The following MYO9B variants were observed in gnomAD, a reference collection of about 807,000 sequenced individuals.
The protein encoded by MYO9B is myosin IXB.
In MYO9B, 71 loss-of-function variants were observed where a neutral mutation model predicts 229.5. The ratio of observed to expected loss-of-function variants is 0.31; its 90% CI spans 0.26 to 0.38. The LOEUF (loss-of-function observed/expected upper bound fraction) is 0.38, where lower values mean the gene tolerates loss of function less well. MYO9B is among the 10% of genes least tolerant of loss of function. The pLI, the probability that MYO9B is intolerant of heterozygous loss-of-function variation, is 1.00. For synonymous variants in MYO9B, 1,185 were observed against 1,235.8 expected (o/e 0.96, Z 0.86); for missense variants, 2,255 against 2,920.5 (o/e 0.77, Z 5.25).
intron 9 of MYO9B, 134 bp downstream of exon 9, chr19:17,162,600 A>G: frequency 2.6e-6 from 2 of 770,710 alleles, no homozygotes; most frequent in Non-Finnish European, 4.2e-6. Flanking sequence ...CCACAAGGAC[A>G]GGCCCAGGAA....
At chr19:17,100,728 G>A (rs530794764) in intron 1 of MYO9B, among the ~76,000 whole-genome samples, 2 of 152,236 alleles carry the variant, frequency 1.3e-5, no homozygotes, top group Admixed American at 1.3e-4. Context: ...CCCAGCCTGG[G>A]CCTGCCTGAT....
intron 2 of MYO9B, among the ~76,000 whole-genome samples, chr19:17,143,810 A>G (rs957502440): frequency 1.3e-5 from 2 of 152,204 alleles, no homozygotes; most frequent in African/African-American, 4.8e-5. Context: ...ATTCCCAGCT[A>G]TTTGGGAGGC....
intron 2 of MYO9B, among the ~76,000 whole-genome samples, chr19:17,124,955 C>A (rs569215435): frequency 6.6e-6 from 1 of 152,010 alleles, no homozygotes; most frequent in Admixed American, 6.6e-5. Context: ...CTATCTCAAG[C>A]TGAGAAAAAA....
intron 15 of MYO9B, among the ~76,000 whole-genome samples, chr19:17,182,571 T>A (rs1017879673): frequency 6.6e-6 from 1 of 151,618 alleles, no homozygotes; most frequent in Admixed American, 6.6e-5. Flanking sequence ...ACCCGACTAA[T>A]TTTTTTCTGT....
At chr19:17,156,645 A>G (rs1380692035) in intron 6 of MYO9B, among the ~76,000 whole-genome samples, 1 of 152,216 alleles carries the variant, frequency 6.6e-6, no homozygotes, top group Non-Finnish European at 1.5e-5. Flanking sequence ...TGAGCCCAGG[A>G]GTTGGAGGTT....
intron 2 of MYO9B, among the ~76,000 whole-genome samples, chr19:17,126,723 G>C (rs2072122511): frequency 6.8e-6 from 1 of 146,644 alleles, no homozygotes. Flanking sequence ...GGAATGCAGT[G>C]GTGCGATCTC....
chr19:17,088,532 G>C (rs1282155788), intron 1 of MYO9B, among the ~76,000 whole-genome samples: 1 of 152,108 alleles, frequency 6.6e-6, no homozygotes, highest in Non-Finnish European at 1.5e-5. Context: ...TCCCTGCTCT[G>C]TCCCACCCCT....
At chr19:17,111,652 G>C (rs1016052574) in intron 2 of MYO9B, among the ~76,000 whole-genome samples, 2 of 152,006 alleles carry the variant, frequency 1.3e-5, no homozygotes, top group Non-Finnish European at 2.9e-5. Flanking sequence ...CCAACTCCTG[G>C]CCTCAGGCAA....
At chr19:17,192,060 G>T (rs961124966) in intron 20 of MYO9B, among the ~76,000 whole-genome samples, 1 of 151,556 alleles carries the variant, frequency 6.6e-6, no homozygotes. Flanking sequence ...AGGTTCAACT[G>T]GTTCTCCTGC....
chr19:17,188,993 CAA>C lies in MYO9B; in HGVS notation c.2688+965_2688+966del, dbSNP rs34367144. On this transcript the variant is annotated intron_variant, in intron 19 of 39. Transcript: ENST00000682292. ...TGAAACCCCGTCTCTACTAAAAATA[CAA>C]AAAAAAAAAAAAAAAATTAGCCAGG... is the stretch of plus-strand genomic sequence containing the variant. Among the ~76,000 whole-genome samples, 463 of 126,326 alleles carry C rather than the reference CAA, an allele frequency of 3.7e-3. 1 individual carries two copies. The highest frequency in any genetic ancestry group is 3.7e-3 in the Admixed American group (46 of 12,378). 82.9% of individuals were successfully genotyped at this position (126,326 alleles called of 152,430 possible). A position where few individuals can be genotyped will look rare whatever the true frequency, so the allele number is the denominator to read the frequency against.
At chr19:17,135,545 G>A (rs984654265) in intron 2 of MYO9B, among the ~76,000 whole-genome samples, 1 of 152,176 alleles carries the variant, frequency 6.6e-6, no homozygotes, top group African/African-American at 2.4e-5. Flanking sequence ...ACCCCTCGCT[G>A]CGAGCGCTGG....
Position 17,155,540 on chromosome 19 carries a change from G to A in MYO9B, c.1199+1125G>A, listed in dbSNP as rs190276279. 2.6e-5 allele frequency among the ~76,000 whole-genome samples: 4 copies of A among 152,346 alleles called. No homozygotes were observed. The East Asian group carries it at 7.7e-4, about 29-fold the overall frequency. On this transcript the variant is annotated intron_variant, in intron 6 of 39. Coordinates refer to ENST00000682292, the MANE Select transcript of MYO9B (RefSeq NM_004145.4). ...TGCCTGTTATCCCAGCTACTTGGGA[G>A]GCCAAGGCAGGAAGATCGCTTGAGA...
At chr19:17,139,338 C>T (rs1303905270) in intron 2 of MYO9B, among the ~76,000 whole-genome samples, 1 of 152,026 alleles carries the variant, frequency 6.6e-6, no homozygotes, top group Non-Finnish European at 1.5e-5. Flanking sequence ...AATCCTAGCA[C>T]TTTGCAAGGC....
At chr19:17,170,466 G>A (rs536312111) in intron 11 of MYO9B, among the ~76,000 whole-genome samples, 44 of 152,018 alleles carry the variant, frequency 2.9e-4, no homozygotes, top group African/African-American at 1.0e-3. Context: ...GTCCAGGTCA[G>A]GGAGACAGAC....
chr19:17,121,444 AATATAT>A (rs59741893), intron 2 of MYO9B, among the ~76,000 whole-genome samples: 1,692 of 142,622 alleles, frequency 0.012, 57 homozygotes, highest in African/African-American at 0.04. Flanking sequence ...ATGTATTCCA[AATATAT>A]ATATATATAT....
At chr19:17,187,722 G>A (rs914465865) in intron 18 of MYO9B, among the ~76,000 whole-genome samples, 1 of 152,018 alleles carries the variant, frequency 6.6e-6, no homozygotes, top group Non-Finnish European at 1.5e-5. Flanking sequence ...CCTTGTCCAG[G>A]TGCTCCTGGC....
Position 17,130,575 on chromosome 19 carries a change from G to A in MYO9B, c.841-14822G>A, listed in dbSNP as rs1338709180. On this transcript the variant is annotated intron_variant, in intron 2 of 39. Coordinates refer to ENST00000682292, the MANE Select transcript of MYO9B (RefSeq NM_004145.4). ...GCGGAGCTTGGAGTGAGCCGAGATC[G>A]TGCCACTGCACTCCAGCCTGGGTGA... 5.3e-5 allele frequency among the ~76,000 whole-genome samples: 8 copies of A among 151,462 alleles called. No homozygotes were observed. In the South Asian group the frequency reaches 6.2e-4, roughly 12 times the overall value.
intron 7 of MYO9B, chr19:17,157,362 T>C (rs1207823204): frequency 1.3e-5 from 3 of 237,316 alleles, no homozygotes; most frequent in African/African-American, 2.3e-5. Context: ...CGAGATCAGA[T>C]TGGCTAACAT....
At chr19:17,161,554 G>A (rs12983749) in intron 8 of MYO9B, among the ~76,000 whole-genome samples, 47,068 of 151,928 alleles carry the variant, frequency 0.31, 7,481 homozygotes, top group East Asian at 0.34. Flanking sequence ...GGTGGCTCAC[G>A]CCTGTAATCC....
Sources: allele counts gnomAD v4.1 joint callset (sites outside exome capture counted in the v4.1 genomes callset), GRCh38; gene constraint gnomAD v4.1.1; transcripts MANE v1.5; gene names NCBI Gene and HGNC (gene_info 2026-07-23, HGNC 2026-07-21).